The following BLTP1 variants were observed in gnomAD, a reference collection of about 807,000 sequenced individuals.
The protein encoded by BLTP1 is fragile site-associated protein.
the BLTP1 span, chr4:122,305,663 T>G: frequency 6.3e-6 from 6 of 945,474 alleles, no homozygotes; most frequent in Admixed American, 3.7e-4. Flanking sequence ...TTATATAAAG[T>G]TTATCTATGA....
chr4:122,246,260 A>T, the BLTP1 span: 3 of 1,607,358 alleles, frequency 1.9e-6, no homozygotes, highest in Non-Finnish European at 2.5e-6. Context: ...AGATAATGTA[A>T]CAATTAAAGG....
At chr4:122,256,970 T>G in the BLTP1 span, 1 of 166,202 alleles carries the variant, frequency 6.0e-6, no homozygotes, top group African/African-American at 2.4e-5. Context: ...TAAGGAAAAT[T>G]CCAACTTTGC....
the BLTP1 span, chr4:122,307,318 A>C: frequency 4.2e-6 from 1 of 239,096 alleles, no homozygotes; most frequent in African/African-American, 2.3e-5. Context: ...GGAATTTTCC[A>C]CTTGTAGCAT....
At chr4:122,169,248 C>T in the BLTP1 span, among the ~76,000 whole-genome samples, 1 of 152,130 alleles carries the variant, frequency 6.6e-6, no homozygotes, top group Non-Finnish European at 1.5e-5. Flanking sequence ...TGGCCTCATC[C>T]AATTTTTAAA....
At chr4:122,245,966 A>G in the BLTP1 span, 1 of 232,238 alleles carries the variant, frequency 4.3e-6, no homozygotes, top group Non-Finnish European at 7.1e-6. Context: ...ACTTTTCTCA[A>G]CCATGATGCT....
chr4:122,352,038 G>A, the BLTP1 span, among the ~76,000 whole-genome samples: 1 of 152,144 alleles, frequency 6.6e-6, no homozygotes, highest in Admixed American at 6.6e-5. Context: ...TGATATAGTA[G>A]GTACAGGTGG....
chr4:122,279,739 G>A, the BLTP1 span: 1 of 1,581,292 alleles, frequency 6.3e-7, no homozygotes, highest in Non-Finnish European at 8.6e-7. Flanking sequence ...CTTGGCTGTT[G>A]GCTGTATTTT....
the BLTP1 span, among the ~76,000 whole-genome samples, chr4:122,267,119 C>T: frequency 6.5e-5 from 8 of 122,586 alleles, no homozygotes; most frequent in African/African-American, 9.8e-5. Context: ...AGTGCAGTGG[C>T]GCAATCTCGG....
the BLTP1 span, chr4:122,189,774 G>T: frequency 5.3e-5 from 47 of 884,276 alleles, no homozygotes; most frequent in African/African-American, 8.6e-4. Flanking sequence ...TAAATTTTTA[G>T]TATCATTTTA....
chr4:122,195,445 T>C, the BLTP1 span, among the ~76,000 whole-genome samples: 1 of 152,156 alleles, frequency 6.6e-6, no homozygotes, highest in African/African-American at 2.4e-5. Context: ...TTTTTTTTAT[T>C]GCTTTCACTT....
At chr4:122,244,556 T>A in the BLTP1 span, 1 of 433,850 alleles carries the variant, frequency 2.3e-6, no homozygotes, top group Non-Finnish European at 3.1e-6. Flanking sequence ...ATATTACATA[T>A]TATTATATAA....
At chr4:122,208,687 A>G in the BLTP1 span, 7 of 977,002 alleles carry the variant, frequency 7.2e-6, no homozygotes, top group Non-Finnish European at 8.5e-6. Flanking sequence ...TTGTTTTTCA[A>G]TTCAAATTTA....
the BLTP1 span, chr4:122,240,433 CT>C: frequency 4.0e-6 from 5 of 1,240,596 alleles, no homozygotes; most frequent in South Asian, 7.4e-5. Context: ...CATAATTACT[CT>C]CATTCTTTTT....
At chr4:122,264,810 G>A in the BLTP1 span, among the ~76,000 whole-genome samples, 1 of 152,142 alleles carries the variant, frequency 6.6e-6, no homozygotes, top group Non-Finnish European at 1.5e-5. Context: ...TATAGATGTA[G>A]AAATATTATA....
chr4:122,172,229 G>A, the BLTP1 span: 2 of 591,322 alleles, frequency 3.4e-6, no homozygotes, highest in Non-Finnish European at 4.3e-6. Context: ...AAAAGTTAAG[G>A]ACTTAATATG....
chr4:122,259,978 A>T, the BLTP1 span: 1 of 789,122 alleles, frequency 1.3e-6, no homozygotes, highest in South Asian at 5.8e-5. Context: ...GAACAAAGTA[A>T]TATATAGTCA....
At chr4:122,177,425 G>T in the BLTP1 span, among the ~76,000 whole-genome samples, 1 of 152,028 alleles carries the variant, frequency 6.6e-6, no homozygotes, top group Admixed American at 6.6e-5. Context: ...TAATACACTG[G>T]CCAGATCTTT....
At chr4:122,270,703 A>G in the BLTP1 span, among the ~76,000 whole-genome samples, 323 of 152,182 alleles carry the variant, frequency 2.1e-3, 1 homozygote, top group African/African-American at 7.4e-3. Flanking sequence ...CTAAATTCCA[A>G]TACTCTACGG....
At chr4:122,172,925 G>C in the BLTP1 span, 1 of 1,567,024 alleles carries the variant, frequency 6.4e-7, no homozygotes, top group Non-Finnish European at 8.6e-7. Flanking sequence ...AAGAAAGCTG[G>C]ATAAAGTATA....
Sources: allele counts gnomAD v4.1 joint callset (sites outside exome capture counted in the v4.1 genomes callset), GRCh38; gene constraint gnomAD v4.1.1; transcripts MANE v1.5; gene names NCBI Gene and HGNC (gene_info 2026-07-23, HGNC 2026-07-21).